CADPS2: variants seen among roughly 807,000 people sequenced by gnomAD.
CADPS2 encodes calcium-dependent secretion activator 2.
In CADPS2, 93 loss-of-function variants were observed where a neutral mutation model predicts 172.5. That is an observed-to-expected ratio of 0.54 (90% CI 0.46 to 0.64). The LOEUF (loss-of-function observed/expected upper bound fraction) is 0.64, where lower values mean the gene tolerates loss of function less well. Ranked by LOEUF, CADPS2 falls within the 30% of genes least tolerant of loss-of-function variation. The probability of loss-of-function intolerance (pLI) is 0.00; values close to 1 mark genes in which losing one functional copy is unlikely to be tolerated. For missense variants in CADPS2, 1,420 were observed against 1,565.9 expected (o/e 0.91, Z 1.57); for synonymous variants, 546 against 555.2 (o/e 0.98, Z 0.23).
chr7:122,845,619 GC>G (rs1453438055), intron 1 of CADPS2, among the ~76,000 whole-genome samples: 1 of 152,150 alleles, frequency 6.6e-6, no homozygotes, highest in Non-Finnish European at 1.5e-5. Flanking sequence ...AGGCCAGCAA[GC>G]TTGGGTTGAA....
At chr7:122,713,101 A>C (rs2089020513) in intron 2 of CADPS2, among the ~76,000 whole-genome samples, 1 of 152,140 alleles carries the variant, frequency 6.6e-6, no homozygotes, top group African/African-American at 2.4e-5. Context: ...TCATACAATG[A>C]AAAACAAAGC....
chr7:122,534,033 G>A (rs1375598881), intron 8 of CADPS2, among the ~76,000 whole-genome samples: 4 of 152,060 alleles, frequency 2.6e-5, no homozygotes, highest in Non-Finnish European at 1.5e-5. Context: ...TGCACCCAAG[G>A]CACATCACAT....
intron 2 of CADPS2, among the ~76,000 whole-genome samples, chr7:122,716,872 A>G (rs1180014172): frequency 6.6e-6 from 1 of 152,088 alleles, no homozygotes; most frequent in Non-Finnish European, 1.5e-5. Context: ...TGATTTATAA[A>G]CAAGAAAGCA....
At chr7:122,392,445 T>C (rs996267412) in intron 22 of CADPS2, among the ~76,000 whole-genome samples, 3 of 152,068 alleles carry the variant, frequency 2.0e-5, no homozygotes, top group African/African-American at 7.2e-5. Context: ...CATAATTGTT[T>C]TAGAGTTGAG....
At chr7:122,446,149 A>G (rs2052164322) in intron 15 of CADPS2, among the ~76,000 whole-genome samples, 1 of 152,164 alleles carries the variant, frequency 6.6e-6, no homozygotes, top group Admixed American at 6.5e-5. Context: ...ATATGGTAAC[A>G]ATAGTCCTTC....
chr7:122,370,305 G>T (rs1426941117), intron 25 of CADPS2, among the ~76,000 whole-genome samples: 1 of 152,126 alleles, frequency 6.6e-6, no homozygotes, highest in East Asian at 1.9e-4. Flanking sequence ...TGTATCCCTG[G>T]CATTGAGCAT....
At chr7:122,543,655 T>C (rs2063327358) in intron 8 of CADPS2, among the ~76,000 whole-genome samples, 1 of 152,130 alleles carries the variant, frequency 6.6e-6, no homozygotes, top group East Asian at 1.9e-4. Context: ...CAAGATTATC[T>C]GGGAACACAA....
chr7:122,721,053 G>C (rs1443097336), intron 2 of CADPS2, among the ~76,000 whole-genome samples: 1 of 151,826 alleles, frequency 6.6e-6, no homozygotes, highest in Admixed American at 6.6e-5. Flanking sequence ...TCATTTTGAG[G>C]TGGGCATCAT....
Position 122,513,300 on chromosome 7 carries a change from A to G in CADPS2, c.1491T>C (p.Leu497=). Residue 497 remains leucine (L), a synonymous_variant, in exon 9 of 30, where the codon CTT becomes CTC. Transcript: ENST00000449022. ...TCCATCTTTTCCAAACCTTCTGTCC[A>G]AGGGCATACAGATATCTGGAAAGAA... ...HMKHSGYLYA[L]GQKVWKRWKK... 2 of 1,560,156 alleles carry G rather than the reference A, an allele frequency of 1.3e-6. No individual in the cohort carries two copies. The highest frequency in any genetic ancestry group is 4.7e-5 in the East Asian group (2 of 42,196).
chr7:122,529,550 T>A lies in CADPS2; in HGVS notation c.1476-16235A>T, dbSNP rs533476016. 4.6e-5 allele frequency among the ~76,000 whole-genome samples: 7 copies of A among 152,140 alleles called. 1 individual carries two copies. The highest frequency in any genetic ancestry group is 1.7e-4 in the African/African-American group (7 of 41,542). On this transcript the variant is annotated intron_variant, in intron 8 of 29. Coordinates refer to ENST00000449022, the MANE Select transcript of CADPS2 (RefSeq NM_017954.11). ...AAAAGAGTTAAAGCCAGTCTGGTGG[T>A]GTCTCTGGATTTTTCTTAATGAGTA...
chr7:122,330,351 T>A (rs1463697347), intron 28 of CADPS2, among the ~76,000 whole-genome samples: 1 of 152,194 alleles, frequency 6.6e-6, no homozygotes, highest in Non-Finnish European at 1.5e-5. Context: ...CAACAAAATA[T>A]TTAGAAACAT....
At chr7:122,647,454 C>T (rs762328513) in intron 3 of CADPS2, among the ~76,000 whole-genome samples, 12 of 152,122 alleles carry the variant, frequency 7.9e-5, no homozygotes, top group Non-Finnish European at 1.5e-4. Context: ...TAGTTTTAGA[C>T]ATTTAATAGT....
At chr7:122,735,199 G>A (rs1023820063) in intron 2 of CADPS2, among the ~76,000 whole-genome samples, 1 of 152,014 alleles carries the variant, frequency 6.6e-6, no homozygotes, top group Non-Finnish European at 1.5e-5. Flanking sequence ...CTATTTTGGG[G>A]CACTGCAACC....
intron 1 of CADPS2, among the ~76,000 whole-genome samples, chr7:122,852,691 G>C (rs922851486): frequency 6.6e-6 from 1 of 152,204 alleles, no homozygotes. Context: ...GTTTTAGCTG[G>C]AGCAGAGAGA....
At chr7:122,366,751 T>C (rs1299706330) in intron 25 of CADPS2, 1 of 147,032 alleles carries the variant, frequency 6.8e-6, no homozygotes, top group Non-Finnish European at 1.5e-5. Context: ...AATACAATTG[T>C]CTCTTTCCCA....
chr7:122,608,731 A>G lies in CADPS2; in HGVS notation c.1223+6450T>C, dbSNP rs184242410. Among the ~76,000 whole-genome samples, 675 of 152,264 alleles carry G rather than the reference A, an allele frequency of 4.4e-3. 24 individuals carry two copies. Among genetic ancestry groups the G allele is most frequent in the Non-Finnish European group, 4.1e-4 (28 of 68,018 alleles). Reference sequence around the variant, plus strand: ...GCTTTTAATAAAACAGCACTATGGGATGAAGGAGAGACAGAGAGGGTGGCA... The same window carrying G: ...GCTTTTAATAAAACAGCACTATGGGGTGAAGGAGAGACAGAGAGGGTGGCA... On this transcript the variant is annotated intron_variant, in intron 6 of 29. Coordinates refer to ENST00000449022, the MANE Select transcript of CADPS2 (RefSeq NM_017954.11).
At chr7:122,481,188 C>T (rs1470230618) in intron 11 of CADPS2, among the ~76,000 whole-genome samples, 7 of 102,310 alleles carry the variant, frequency 6.8e-5, no homozygotes, top group South Asian at 5.7e-4. Context: ...TTTTTTTTGA[C>T]GGAGTCTTGC....
At chr7:122,625,253 T>A (rs986996985) in intron 4 of CADPS2, among the ~76,000 whole-genome samples, 1 of 152,036 alleles carries the variant, frequency 6.6e-6, no homozygotes, top group Non-Finnish European at 1.5e-5. Flanking sequence ...TTTCTCCATG[T>A]TGGTCAGGCT....
chr7:122,350,465 C>A (rs1264187642), intron 27 of CADPS2, among the ~76,000 whole-genome samples: 1 of 151,996 alleles, frequency 6.6e-6, no homozygotes, highest in Non-Finnish European at 1.5e-5. Flanking sequence ...TTTTCAAAAG[C>A]ATTTGAAGTA....
Sources: allele counts gnomAD v4.1 joint callset (sites outside exome capture counted in the v4.1 genomes callset), GRCh38; gene constraint gnomAD v4.1.1; transcripts MANE v1.5; gene names NCBI Gene and HGNC (gene_info 2026-07-23, HGNC 2026-07-21).